LGALS2: variants seen among roughly 807,000 people sequenced by gnomAD.
The protein encoded by LGALS2 is galectin 2.
Under a neutral mutation model 10.1 loss-of-function variants are expected in LGALS2, and 7 were observed. The ratio of observed to expected loss-of-function variants is 0.70; its 90% CI spans 0.40 to 1.31. LGALS2 has a LOEUF of 1.31. Ranked by LOEUF, LGALS2 falls within the 50% of genes most tolerant of loss-of-function variation. The probability of loss-of-function intolerance (pLI) is 0.01; values close to 1 mark genes in which losing one functional copy is unlikely to be tolerated. For synonymous variants in LGALS2, 86 were observed against 64.2 expected (o/e 1.34, Z -1.63); for missense variants, 167 against 163.6 (o/e 1.02, Z -0.11).
chr22:37,575,391 A>T (rs1925642849), intron 1 of LGALS2, among the ~76,000 whole-genome samples: 2 of 151,494 alleles, frequency 1.3e-5, no homozygotes, highest in East Asian at 3.9e-4. Flanking sequence ...AAATTTTTGT[A>T]GAGATAGGGT....
At chr22:37,575,666 G>A (rs908465589) in intron 1 of LGALS2, among the ~76,000 whole-genome samples, 11 of 151,056 alleles carry the variant, frequency 7.3e-5, no homozygotes, top group African/African-American at 2.0e-4. Context: ...TGTTGTCCAG[G>A]CCAGCCTCGA....
intron 1 of LGALS2, among the ~76,000 whole-genome samples, chr22:37,573,698 C>T (rs1316313459): frequency 6.6e-6 from 1 of 151,416 alleles, no homozygotes; most frequent in South Asian, 2.1e-4. Context: ...GGACCACCAT[C>T]ATTTATTGTT....
In LGALS2 at chr22:37,570,606, G is replaced by T. The variant is rs1389431831; in HGVS notation, c.219C>A (p.His73Gln). 2 of 1,614,240 alleles carry T rather than the reference G, an allele frequency of 1.2e-6. No homozygotes were observed. The highest frequency in any genetic ancestry group is 1.7e-6 in the Non-Finnish European group (2 of 1,180,056). The change falls in exon 3 of 4, where the codon CAC becomes CAA. Residue 73 changes from histidine to glutamine, a missense_variant. Physicochemically the swap from His to Gln is conservative, Grantham distance 24. Transcript: ENST00000215886. ...SNWGQEQREDHLCFSPGSEVK... is the reference protein window; with the variant it reads ...SNWGQEQREDQLCFSPGSEVK... ...CCTCTGACCCTGGGCTGAAGCACAG[G>T]TGATCTTCCCGTTGTTCTTGCCCCC...
chr22:37,575,317 C>G lies in LGALS2; in HGVS notation c.7-3386G>C, dbSNP rs761512674. Among the ~76,000 whole-genome samples, 8 of 151,460 alleles carry G rather than the reference C, an allele frequency of 5.3e-5. No homozygotes were observed. The Middle Eastern group carries it at 0.01, about 193-fold the overall frequency. On this transcript the variant is annotated intron_variant, in intron 1 of 3. Coordinates refer to ENST00000215886, the MANE Select transcript of LGALS2 (RefSeq NM_006498.3). ...TAGCCTCCTGAGCTCAAACGATTCTCCTGCCTCAGCCTCCTAAGTAGCTAC... is the reference window on the plus strand; with the variant it reads ...TAGCCTCCTGAGCTCAAACGATTCTGCTGCCTCAGCCTCCTAAGTAGCTAC...
intron 1 of LGALS2, 57 bp from the exon 2 acceptor site, chr22:37,571,988 T>C: frequency 7.0e-7 from 1 of 1,436,596 alleles, no homozygotes. Flanking sequence ...ATCCCACACT[T>C]GCCCAGCAGC....
chr22:37,571,706 G>A (rs1569181602), intron 2 of LGALS2, 143 bp downstream of exon 2: 2 of 654,736 alleles, frequency 3.1e-6, no homozygotes, highest in Non-Finnish European at 5.4e-6. Flanking sequence ...GGGCCAGCAG[G>A]GGTGTGGGGA....
intron 1 of LGALS2, among the ~76,000 whole-genome samples, chr22:37,572,162 C>T (rs529720984): frequency 7.2e-5 from 11 of 152,338 alleles, no homozygotes; most frequent in East Asian, 1.9e-4. Context: ...CACCCCAACC[C>T]GAAGAGGCAC....
chr22:37,570,793 G>T, intron 2 of LGALS2, 58 bp from the exon 3 acceptor site: 10 of 1,598,598 alleles, frequency 6.3e-6, no homozygotes, highest in Non-Finnish European at 8.6e-6. Context: ...AAAGCAGCTT[G>T]GGTTGGAGGA....
At chr22:37,570,551 G>C in intron 3 of LGALS2, 25 bp downstream of exon 3, 1 of 1,614,062 alleles carries the variant, frequency 6.2e-7, no homozygotes, top group Non-Finnish European at 8.5e-7. Context: ...CATCACCCCA[G>C]TGCCCTTTCC....
chr22:37,578,405 G>T (rs1026149275), intron 1 of LGALS2, among the ~76,000 whole-genome samples: 3 of 152,184 alleles, frequency 2.0e-5, no homozygotes, highest in Non-Finnish European at 4.4e-5. Flanking sequence ...GCCTCCCAAG[G>T]CTGAGGAGTG....
intron 1 of LGALS2, among the ~76,000 whole-genome samples, chr22:37,574,832 G>A (rs1925619475): frequency 6.6e-6 from 1 of 151,858 alleles, no homozygotes; most frequent in Non-Finnish European, 1.5e-5. Context: ...ACATGTAGGG[G>A]TAGGTTGTTA....
At chr22:37,575,883 C>CT (rs1925659086) in intron 1 of LGALS2, among the ~76,000 whole-genome samples, 1 of 152,178 alleles carries the variant, frequency 6.6e-6, no homozygotes, top group Non-Finnish European at 1.5e-5. Flanking sequence ...GCCGTCTGGA[C>CT]GTTTGGGGCA....
At chr22:37,573,799 C>G (rs553940155) in intron 1 of LGALS2, among the ~76,000 whole-genome samples, 1 of 151,658 alleles carries the variant, frequency 6.6e-6, no homozygotes, top group Admixed American at 6.6e-5. Flanking sequence ...GGTGCGATCT[C>G]GACTCACTGC....
rs112498442 is a variant in LGALS2 at position 37,580,019 on chromosome 22, T to C, written c.-114A>G. On this transcript the variant is annotated 5_prime_UTR_variant, in exon 1 of 4. Transcript: ENST00000215886. Reference sequence around the variant, plus strand: ...TTACACATTAACTCCCTCAAGGTCCTAGGTGAGGACTTTGCCCCTTCTACC... The same window carrying C: ...TTACACATTAACTCCCTCAAGGTCCCAGGTGAGGACTTTGCCCCTTCTACC... 7.9e-4 allele frequency: 904 copies of C among 1,142,658 alleles called. 10 individuals are homozygous for C. The African/African-American group carries it at 0.013, about 16-fold the overall frequency. The allele number at this position is 1,142,658 out of a possible 1,614,324, so 70.8% of individuals were successfully genotyped here.
intron 1 of LGALS2, among the ~76,000 whole-genome samples, chr22:37,572,803 TAA>T (rs371554641): frequency 9.3e-6 from 1 of 106,952 alleles, no homozygotes; most frequent in Non-Finnish European, 1.9e-5. Flanking sequence ...TAATAATAAA[TAA>T]AATAAAATAA....
intron 1 of LGALS2, among the ~76,000 whole-genome samples, chr22:37,576,966 T>C (rs993652739): frequency 1.4e-5 from 1 of 70,982 alleles, no homozygotes; most frequent in Admixed American, 1.5e-4. Context: ...CAGAACTGGG[T>C]GGGGGTGTGG....
intron 2 of LGALS2, 52 bp downstream of exon 2, chr22:37,571,797 G>T: frequency 7.1e-7 from 1 of 1,414,662 alleles, no homozygotes; most frequent in Non-Finnish European, 1.0e-6. Flanking sequence ...TGCCCCACCC[G>T]CCCTGCCTAT....
At chr22:37,571,773 AG>A (rs1601459032) in intron 2 of LGALS2, 75 bp downstream of exon 2, 1 of 1,201,152 alleles carries the variant, frequency 8.3e-7, no homozygotes, top group South Asian at 1.2e-5. Flanking sequence ...AGCACTTCAC[AG>A]GGCTGCCCTG....
At position 37,570,298 on chromosome 22, in the gene LGALS2, C is replaced by T. The variant is rs750027429; in HGVS notation, c.364G>A (p.Gly122Arg). 6.3e-5 allele frequency: 102 copies of T among 1,611,822 alleles called. No individual in the cohort carries two copies. The highest frequency in any genetic ancestry group is 6.9e-5 in the Non-Finnish European group (81 of 1,178,174). Residue 122 changes from glycine to arginine, a missense_variant, in exon 4 of 4, where the codon GGG becomes AGG. Coordinates refer to ENST00000215886, the MANE Select transcript of LGALS2 (RefSeq NM_006498.3). ...SHLSYLSVRG[G>R]FNMSSFKLKE is the part of the protein sequence containing the mutation. ...AACTTGAAAGAGGACATGTTGAACCCGCCCCTTACGCTCAGGTAGCTCAGG... is the reference window on the plus strand; with the variant it reads ...AACTTGAAAGAGGACATGTTGAACCTGCCCCTTACGCTCAGGTAGCTCAGG...
Sources: allele counts gnomAD v4.1 joint callset (sites outside exome capture counted in the v4.1 genomes callset), GRCh38; gene constraint gnomAD v4.1.1; transcripts MANE v1.5; gene names NCBI Gene and HGNC (gene_info 2026-07-23, HGNC 2026-07-21).